The following ABCA2 variants were observed in gnomAD, a reference collection of about 807,000 sequenced individuals.
ABCA2 encodes ATP-binding cassette sub-family A member 2.
A neutral mutation model predicts 262.8 loss-of-function variants in ABCA2; 84 were observed. The ratio of observed to expected loss-of-function variants is 0.32; its 90% CI spans 0.27 to 0.38. The LOEUF (loss-of-function observed/expected upper bound fraction) is 0.38. Ranked by LOEUF, ABCA2 falls within the 10% of genes least tolerant of loss-of-function variation. The pLI is 1.00. For synonymous variants in ABCA2, 1,696 were observed against 1,502.9 expected (o/e 1.13, Z -2.97); for missense variants, 2,662 against 3,405.9 (o/e 0.78, Z 5.44).
chr9:137,020,866 C>T lies in ABCA2; in HGVS notation c.1093G>A (p.Gly365Ser). ...GCCCCAGTGCCATTGGCCGCCCCAC[C>T]CGCACCACTGGCTGGGGGTCCGGGG... is the stretch of plus-strand genomic sequence containing the variant. ...RTPGPPASGA[G>S]GAANGTGAGA... Residue 365 changes from glycine to serine, a missense_variant, in exon 9 of 49, where the codon GGT (glycine) becomes AGT (serine). Around this residue, in one of 12 missense-constraint regions of ABCA2, gnomAD observed 403 missense variants for 375.9 expected, o/e 1.07. Coordinates refer to ENST00000341511, the MANE Select transcript of ABCA2 (RefSeq NM_001606.5). 1 of 1,546,658 alleles carries T rather than the reference C, an allele frequency of 6.5e-7. No individual in the cohort carries two copies. The highest frequency in any genetic ancestry group is 8.7e-7 in the Non-Finnish European group (1 of 1,144,484).
Position 137,016,374 on chromosome 9 carries a change from G to A in ABCA2, c.3021C>T (p.Ala1007=), listed in dbSNP as rs370247136. 5 of 1,612,810 alleles carry A rather than the reference G, an allele frequency of 3.1e-6. No homozygotes were observed. The highest frequency in any genetic ancestry group is 4.2e-6 in the Non-Finnish European group (5 of 1,180,002). The part of the protein sequence containing the change: ...TKVYKDDKKL[A]LNKLSLNLYE... ...AGAGGTTCAGGCTCAGCTTGTTCAG[G>A]GCCAGCTTCTTGTCGTCCTTGTAGA... Residue 1007 remains alanine (A), a synonymous_variant, in exon 21 of 49, where the codon GCC becomes GCT. Transcript: ENST00000341511.
chr9:137,024,779 T>C (rs1358739015), intron 1 of ABCA2, among the ~76,000 whole-genome samples: 1 of 148,462 alleles, frequency 6.7e-6, no homozygotes, highest in Non-Finnish European at 1.5e-5. Flanking sequence ...ACAGCCCCAG[T>C]CCCTGAAGCA....
At chr9:137,020,172 C>G in intron 10 of ABCA2, 164 bp downstream of exon 10, 1 of 835,540 alleles carries the variant, frequency 1.2e-6, no homozygotes, top group Admixed American at 2.8e-5. Context: ...AAAGGAAAAG[C>G]GACCCCCTGG....
Position 137,021,668 on chromosome 9 carries a change from G to C in ABCA2, c.679-58C>G. 1 of 1,509,462 alleles carries C rather than the reference G, an allele frequency of 6.6e-7. No homozygotes were observed. Among genetic ancestry groups the C allele is most frequent in the East Asian group, 2.5e-5 (1 of 40,586 alleles). The allele number at this position is 1,509,462 out of a possible 1,614,324, so 93.5% of individuals were successfully genotyped here. A position where few individuals can be genotyped will look rare whatever the true frequency, so the allele number is the denominator to read the frequency against. On this transcript the variant is annotated intron_variant, in intron 7 of 48. Coordinates refer to ENST00000341511, the MANE Select transcript of ABCA2 (RefSeq NM_001606.5). This position sits in a 1 kb window ranked among gnomAD's most constrained non-coding sequence, Gnocchi z 6.0. ...GCAAGGACTTTGTCCCCAACCACTA[G>C]GGCCTCAGGCCTCACCCTGCCCCAC...
rs140476624 is a variant in ABCA2 at position 137,009,510 on chromosome 9, G to A, written c.6734+31C>T. ...CACCGGAAGGGGTGCTGTGGGGTGG[G>A]GGCACAAAGAGGGGGTGGGGGCGCC... On this transcript the variant is annotated intron_variant, in intron 44 of 48. Coordinates refer to ENST00000341511, the MANE Select transcript of ABCA2 (RefSeq NM_001606.5). The A allele has an allele frequency of 8.3e-4, 1,344 of 1,612,138 alleles. 16 individuals are homozygous for A. In the African/African-American group the frequency reaches 0.015, roughly 18 times the overall value.
intron 24 of ABCA2, 115 bp downstream of exon 24, chr9:137,015,299 G>T: frequency 1.5e-6 from 2 of 1,327,838 alleles, no homozygotes; most frequent in Non-Finnish European, 1.0e-6. Flanking sequence ...GCCCCAGCAG[G>T]CATCCTGGGC....
Position 137,010,606 on chromosome 9 carries a change from T to G in ABCA2, c.6174+14A>C. On this transcript the variant is annotated intron_variant, in intron 40 of 48. Transcript: ENST00000341511. ...TACCCCACCCAGGCCCCACCCTACA[T>G]GCCCAGAGCCCACCTTGGTCAGGTT... The G allele has an allele frequency of 3.7e-6, 2 of 538,018 alleles. No homozygotes were observed. The highest frequency in any genetic ancestry group is 7.1e-6 in the Non-Finnish European group (2 of 281,538). The allele number at this position is 538,018 out of a possible 1,614,324, so 33.3% of individuals were successfully genotyped here.
rs746381652 is a variant in ABCA2, at chr9:137,022,941, G to C, written c.275C>G (p.Thr92Arg). Residue 92 changes from threonine to arginine, a missense_variant and splice_region_variant, in exon 4 of 49, where the codon ACG (threonine) becomes AGG (arginine). Transcript: ENST00000341511. Reference protein sequence around the residue: ...EFGFLQYANSTVTQLLERLDR... With the variant: ...EFGFLQYANSRVTQLLERLDR... ...CTCCGAGGGGCGGGTGGGCACTCACGTGGAGTTGGCGTACTGCAGGAAGCC... is the reference window on the plus strand; with the variant it reads ...CTCCGAGGGGCGGGTGGGCACTCACCTGGAGTTGGCGTACTGCAGGAAGCC... The C allele has an allele frequency of 1.3e-6, 2 of 1,570,998 alleles. No individual in the cohort carries two copies. The highest frequency in any genetic ancestry group is 2.3e-5 in the East Asian group (1 of 42,732).
intron 39 of ABCA2, 70 bp downstream of exon 39, chr9:137,010,899 GCCCC>G (rs1831015241): frequency 4.9e-6 from 1 of 205,598 alleles, no homozygotes; most frequent in African/African-American, 1.5e-4. Context: ...CCCCACCCCC[GCCCC>G]TACCCTGCCC....
chr9:137,018,894 AC>A lies in ABCA2; in HGVS notation c.1722+8del. 1 of 1,612,116 alleles carries A rather than the reference AC, an allele frequency of 6.2e-7. No individual in the cohort carries two copies. The highest frequency in any genetic ancestry group is 1.7e-5 in the Admixed American group (1 of 59,982). Reference sequence around the variant, plus strand: ...TGTCGTGGGTTGGCTCGGAGGCCCCACCGCTCACCTTGGACATGAACTGGAT... The same window carrying A: ...TGTCGTGGGTTGGCTCGGAGGCCCCACGCTCACCTTGGACATGAACTGGAT... On this transcript the variant is annotated splice_region_variant and intron_variant, in intron 12 of 48. Coordinates refer to ENST00000341511, the MANE Select transcript of ABCA2 (RefSeq NM_001606.5).
intron 46 of ABCA2, 29 bp downstream of exon 46, chr9:137,008,922 C>T: frequency 1.9e-6 from 3 of 1,601,080 alleles, no homozygotes; most frequent in Non-Finnish European, 1.7e-6. Flanking sequence ...CGTAGCGCCC[C>T]CTCCACAACC....
chr9:137,008,634 C>T lies in ABCA2; in HGVS notation c.7069-12G>A, dbSNP rs201479455. ...AAGTTCACGAACACCTGGTGGGTGGCGCAGGCGTGTGGGGAGGGGGCTGGT... is the reference window on the plus strand; with the variant it reads ...AAGTTCACGAACACCTGGTGGGTGGTGCAGGCGTGTGGGGAGGGGGCTGGT... On this transcript the variant is annotated splice_polypyrimidine_tract_variant and intron_variant, in intron 47 of 48. Coordinates refer to ENST00000341511, the MANE Select transcript of ABCA2 (RefSeq NM_001606.5). The T allele has an allele frequency of 6.8e-4, 1,076 of 1,575,698 alleles. 10 individuals are homozygous for T. The African/African-American group carries it at 0.013, about 19-fold the overall frequency.
Position 137,021,971 on chromosome 9 carries a change from C to T in ABCA2, c.598G>A (p.Ala200Thr). Residue 200 changes from alanine (A) to threonine (T), a missense_variant, in exon 7 of 49, where the codon GCC becomes ACC. Physicochemically the swap from Ala to Thr is moderately conservative, Grantham distance 58 (BLOSUM62 0). This residue lies in a region of ABCA2 where 403 missense variants were observed against 375.9 expected (regional missense o/e 1.07). Transcript: ENST00000341511. This position sits in a 1 kb window ranked among gnomAD's most constrained non-coding sequence, Gnocchi z 6.0. ...VYHLLFGPSS[A>T]LDSQSGLHKG... The stretch of plus-strand genomic sequence containing the variant: ...TGGAGGCCAGACTGTGAATCCAGGG[C>T]AGATGAGGGACCAAAGAGCAGGTGG... 6.3e-7 allele frequency: 1 copy of T among 1,597,756 alleles called. No individual in the cohort carries two copies. Among genetic ancestry groups the T allele is most frequent in the African/African-American group, 1.4e-5 (1 of 72,242 alleles).
chr9:137,023,507 T>TCCAGCC (rs769679735), intron 3 of ABCA2: 1 of 744,390 alleles, frequency 1.3e-6, no homozygotes, highest in Admixed American at 1.7e-5. Flanking sequence ...GCCAGGCCGC[T>TCCAGCC]CCAGCCCCAG....
Position 137,007,900 on chromosome 9 carries a change from C to T in ABCA2, c.*29G>A, listed in dbSNP as rs1397675248. On this transcript the variant is annotated 3_prime_UTR_variant, in exon 49 of 49. Transcript: ENST00000341511. Reference sequence around the variant, plus strand: ...GCCCAGCTCTGGGTGGTCAGTGGAGCGTGTCCTCCCTGGCCCAGCTCTGGG... The same window carrying T: ...GCCCAGCTCTGGGTGGTCAGTGGAGTGTGTCCTCCCTGGCCCAGCTCTGGG... 11 of 1,603,576 alleles carry T rather than the reference C, an allele frequency of 6.9e-6. No individual in the cohort carries two copies. The highest frequency in any genetic ancestry group is 1.3e-5 in the African/African-American group (1 of 74,830).
Position 137,007,816 on chromosome 9 carries a change from C to T in ABCA2, c.*113G>A, listed in dbSNP as rs1442803601. The T allele has an allele frequency of 2.8e-6, 4 of 1,444,070 alleles. No individual in the cohort carries two copies. In the African/African-American group the frequency reaches 5.6e-5, roughly 20 times the overall value. The allele number at this position is 1,444,070 out of a possible 1,614,324, so 89.5% of individuals were successfully genotyped here. A position where few individuals can be genotyped will look rare whatever the true frequency, so the allele number is the denominator to read the frequency against. On this transcript the variant is annotated 3_prime_UTR_variant, in exon 49 of 49. Coordinates refer to ENST00000341511, the MANE Select transcript of ABCA2 (RefSeq NM_001606.5). ...GGACCAGAAGCCCCTTGGTCCTGAA[C>T]CTCCACTCCAGGCCCTGGCAGGCAC...
In ABCA2 at chr9:137,008,827, C is replaced by A; in HGVS notation, c.6972G>T (p.Glu2324Asp). The change falls in exon 47 of 49, where the codon GAG becomes GAT. Residue 2324 changes from glutamate (E) to aspartate (D), a missense_variant. Physicochemically the swap from Glu to Asp is conservative, Grantham distance 45. Coordinates refer to ENST00000341511, the MANE Select transcript of ABCA2 (RefSeq NM_001606.5). The stretch of plus-strand genomic sequence containing the variant: ...TGAACACCTGGGCCAGCGAGATGTG[C>A]TCCGACTTGAGCTGGTACTGCACCT... ...HTKVQYQLKS[E>D]HISLAQVFSK... 6.2e-7 allele frequency: 1 copy of A among 1,605,484 alleles called. No individual in the cohort carries two copies. Among genetic ancestry groups the A allele is most frequent in the Non-Finnish European group, 8.5e-7 (1 of 1,179,584 alleles).
In ABCA2 at chr9:137,020,915, G is replaced by A. The variant is rs1458247573; in HGVS notation, c.1044C>T (p.Pro348=). The change falls in exon 9 of 49, where the codon CCC becomes CCT. Residue 348 remains proline (P), a synonymous_variant. Coordinates refer to ENST00000341511, the MANE Select transcript of ABCA2 (RefSeq NM_001606.5). Reference sequence around the variant, plus strand: ...GGGTCCGGCCAGTGCAGGCACCCTGGGGCAGTAGCAGGGCCAGGGCCGACA... The same window carrying A: ...GGGTCCGGCCAGTGCAGGCACCCTGAGGCAGTAGCAGGGCCAGGGCCGACA... ...DVLSALALLL[P]QGACTGRTPG... is the part of the protein sequence containing the mutation. 6.4e-7 allele frequency: 1 copy of A among 1,564,588 alleles called. No homozygotes were observed. Among genetic ancestry groups the A allele is most frequent in the Non-Finnish European group, 8.7e-7 (1 of 1,154,936 alleles).
At chr9:137,023,665 A>G (rs1284627120) in intron 3 of ABCA2, 173 bp downstream of exon 3, 1 of 681,716 alleles carries the variant, frequency 1.5e-6, no homozygotes, top group African/African-American at 1.8e-5. Context: ...ACTCCCTACC[A>G]CCTCCCACTT....
Sources: allele counts gnomAD v4.1 joint callset (sites outside exome capture counted in the v4.1 genomes callset), GRCh38; gene constraint gnomAD v4.1.1; regional missense constraint gnomAD v4.1.1; non-coding constraint Gnocchi (gnomAD v3.1); transcripts MANE v1.5; gene names NCBI Gene and HGNC (gene_info 2026-07-23, HGNC 2026-07-21).